The following OPCML variants were observed in gnomAD, a reference collection of about 807,000 sequenced individuals.
The protein encoded by OPCML is opioid-binding protein/cell adhesion molecule.
In OPCML, 13 loss-of-function variants were observed where a neutral mutation model predicts 37.8. That is an observed-to-expected ratio of 0.34 (90% CI 0.22 to 0.55). The LOEUF is 0.55. Ranked by LOEUF, OPCML falls within the 20% of genes least tolerant of loss-of-function variation. The probability of loss-of-function intolerance (pLI) is 0.91; values close to 1 mark genes in which losing one functional copy is unlikely to be tolerated. For missense variants in OPCML, 341 were observed against 435.6 expected (o/e 0.78, Z 1.93); for synonymous variants, 176 against 168.8 (o/e 1.04, Z -0.33).
intron 1 of OPCML, among the ~76,000 whole-genome samples, chr11:133,219,094 G>A (rs533156597): frequency 4.6e-5 from 7 of 152,286 alleles, no homozygotes; most frequent in Non-Finnish European, 7.3e-5. Flanking sequence ...CCATTATCAT[G>A]GATGGGCTCT....
chr11:132,610,091 C>A (rs1283592018), intron 3 of OPCML, among the ~76,000 whole-genome samples: 1 of 152,142 alleles, frequency 6.6e-6, no homozygotes, highest in African/African-American at 2.4e-5. Flanking sequence ...GTAAATCAAG[C>A]AACCATGCTT....
chr11:133,430,854 T>C (rs1426724423), intron 1 of OPCML, among the ~76,000 whole-genome samples: 3 of 152,216 alleles, frequency 2.0e-5, no homozygotes, highest in Non-Finnish European at 2.9e-5. Flanking sequence ...GTTGTCAACC[T>C]CTAAAATTAG....
At chr11:133,186,637 G>A (rs1044748213) in intron 1 of OPCML, among the ~76,000 whole-genome samples, 1 of 152,150 alleles carries the variant, frequency 6.6e-6, no homozygotes, top group African/African-American at 2.4e-5. Flanking sequence ...TCTGCACTCA[G>A]CCATTCAACA....
At chr11:132,719,226 G>A (rs11223187) in intron 2 of OPCML, among the ~76,000 whole-genome samples, 1 of 151,996 alleles carries the variant, frequency 6.6e-6, no homozygotes, top group Non-Finnish European at 1.5e-5. Context: ...CCGCGTTTTC[G>A]TTTGGGGAGA....
intron 3 of OPCML, among the ~76,000 whole-genome samples, chr11:132,650,285 C>T (rs1262584894): frequency 6.6e-6 from 1 of 152,190 alleles, no homozygotes; most frequent in Non-Finnish European, 1.5e-5. Context: ...ACTGCGATTA[C>T]TTTCACACCA....
intron 1 of OPCML, among the ~76,000 whole-genome samples, chr11:133,350,775 G>T (rs1944118260): frequency 6.6e-6 from 1 of 152,164 alleles, no homozygotes; most frequent in Non-Finnish European, 1.5e-5. Flanking sequence ...TACCTCCTAT[G>T]TACTAGGCAT....
At chr11:132,619,851 C>CTA (rs1939293400) in intron 3 of OPCML, among the ~76,000 whole-genome samples, 1 of 112,890 alleles carries the variant, frequency 8.9e-6, no homozygotes, top group Non-Finnish European at 1.8e-5. Flanking sequence ...GACTCCATGT[C>CTA]AAAAAAAAAA....
At chr11:132,671,646 A>G (rs1942480712) in intron 2 of OPCML, among the ~76,000 whole-genome samples, 1 of 152,174 alleles carries the variant, frequency 6.6e-6, no homozygotes, top group Non-Finnish European at 1.5e-5. Flanking sequence ...CATGTGGGCA[A>G]GACACTAAGA....
intron 1 of OPCML, among the ~76,000 whole-genome samples, chr11:133,127,999 C>A (rs1371751815): frequency 6.6e-6 from 1 of 152,082 alleles, no homozygotes; most frequent in Admixed American, 6.5e-5. Context: ...GCGGTTCAGG[C>A]ACCCATCAGT....
At chr11:133,103,283 T>C (rs1026869899) in intron 1 of OPCML, among the ~76,000 whole-genome samples, 1 of 152,212 alleles carries the variant, frequency 6.6e-6, no homozygotes, top group African/African-American at 2.4e-5. Flanking sequence ...GGGAAACTTA[T>C]AGAGTCTTCT....
At chr11:133,197,729 C>T (rs1938591642) in intron 1 of OPCML, among the ~76,000 whole-genome samples, 1 of 152,186 alleles carries the variant, frequency 6.6e-6, no homozygotes, top group South Asian at 2.1e-4. Context: ...GCTTGAGATC[C>T]AGCAAGTCTG....
intron 1 of OPCML, among the ~76,000 whole-genome samples, chr11:132,987,623 G>A (rs1946703615): frequency 6.6e-6 from 1 of 152,186 alleles, no homozygotes; most frequent in African/African-American, 2.4e-5. Context: ...GTTGGAGAAT[G>A]TATTTTAGGG....
intron 2 of OPCML, among the ~76,000 whole-genome samples, chr11:132,868,948 G>A (rs1942686589): frequency 6.6e-6 from 1 of 152,206 alleles, no homozygotes; most frequent in African/African-American, 2.4e-5. Flanking sequence ...CTTGGGTGCT[G>A]CCCAGAGGAT....
chr11:132,943,323 A>T lies in OPCML; in HGVS notation c.62-313T>A, dbSNP rs1945649641. ...GAACCAGATGCCCCCTCCTGCATCCAAAAAGAGCTTTCTTGACGCTCCCCT... is the reference window on the plus strand; with the variant it reads ...GAACCAGATGCCCCCTCCTGCATCCTAAAAGAGCTTTCTTGACGCTCCCCT... On this transcript the variant is annotated intron_variant, in intron 1 of 7. Transcript: ENST00000524381. The surrounding 1 kb of genome is among the most constrained non-coding windows in gnomAD (Gnocchi z 4.3). 2 of 616,874 alleles carry T rather than the reference A, an allele frequency of 3.2e-6. No individual in the cohort carries two copies. Among genetic ancestry groups the T allele is most frequent in the Middle Eastern group, 4.1e-4 (1 of 2,452 alleles). 38.2% of individuals were successfully genotyped at this position (616,874 alleles called of 1,614,324 possible).
chr11:132,946,067 CCA>C (rs1945740267), intron 1 of OPCML, among the ~76,000 whole-genome samples: 1 of 152,220 alleles, frequency 6.6e-6, no homozygotes, highest in South Asian at 2.1e-4. Flanking sequence ...CAGGTGTGAG[CCA>C]CTGCGCCCGG....
At chr11:133,093,936 C>G (rs1371457064) in intron 1 of OPCML, among the ~76,000 whole-genome samples, 1 of 151,998 alleles carries the variant, frequency 6.6e-6, no homozygotes, top group Non-Finnish European at 1.5e-5. Context: ...AAAATTAAGT[C>G]AAAGTCACGA....
chr11:133,518,649 C>T (rs1371810217), intron 1 of OPCML, among the ~76,000 whole-genome samples: 1 of 147,820 alleles, frequency 6.8e-6, no homozygotes, highest in Non-Finnish European at 1.5e-5. Context: ...GTGTGTGGGG[C>T]TGTGGCGTGG....
At chr11:132,665,279 G>T (rs1228124321) in intron 2 of OPCML, among the ~76,000 whole-genome samples, 2 of 152,190 alleles carry the variant, frequency 1.3e-5, no homozygotes. Context: ...ATAATGTGCT[G>T]CACTTTCAGC....
rs548629504 is a variant in OPCML at position 133,008,841 on chromosome 11, C to T, written c.62-65831G>A. 1.6e-5 allele frequency: 15 copies of T among 966,002 alleles called. No individual in the cohort carries two copies. In the African/African-American group the frequency reaches 1.9e-4, roughly 12 times the overall value. The allele number at this position is 966,002 out of a possible 1,614,324, so 59.8% of individuals were successfully genotyped here. On this transcript the variant is annotated intron_variant, in intron 1 of 7. Transcript: ENST00000524381. ...CCTAATGCACTTTCTGAACAAAAGTCTCCATCTGAGAGTCAATTTTCATGG... is the reference window on the plus strand; with the variant it reads ...CCTAATGCACTTTCTGAACAAAAGTTTCCATCTGAGAGTCAATTTTCATGG...
Sources: allele counts gnomAD v4.1 joint callset (sites outside exome capture counted in the v4.1 genomes callset), GRCh38; gene constraint gnomAD v4.1.1; non-coding constraint Gnocchi (gnomAD v3.1); transcripts MANE v1.5; gene names NCBI Gene and HGNC (gene_info 2026-07-23, HGNC 2026-07-21).